Variants in CCDC38 observed in about 807,000 individuals in gnomAD.
CCDC38 encodes the protein coiled-coil domain-containing protein 38.
CCDC38 carries 69 observed loss-of-function variants against 72.8 expected under a neutral mutation model. The observed-to-expected ratio is 0.95, with a 90% confidence interval of 0.78 to 1.16. The LOEUF (loss-of-function observed/expected upper bound fraction) is 1.16. Ranked by LOEUF, CCDC38 falls within the 50% of genes most tolerant of loss-of-function variation. CCDC38 has a pLI of 0.00. For synonymous variants in CCDC38, 201 were observed against 213.2 expected (o/e 0.94, Z 0.50); for missense variants, 626 against 638.9 (o/e 0.98, Z 0.22).
In CCDC38 at chr12:95,893,572, A is replaced by G. The variant is rs898517591; in HGVS notation, c.772+1417T>C. On this transcript the variant is annotated intron_variant, in intron 8 of 15. Coordinates refer to ENST00000344280, the MANE Select transcript of CCDC38 (RefSeq NM_182496.3). The stretch of plus-strand genomic sequence containing the variant: ...ATGCTCATAACTCACTACAACCTCA[A>G]CTTCCGGGGTTTCAGGTGATCCTCC... Among the ~76,000 whole-genome samples the G allele has an allele frequency of 5.8e-4, 88 of 151,602 alleles. 1 individual carries two copies. Among genetic ancestry groups the G allele is most frequent in the Admixed American group, 2.6e-4 (4 of 15,178 alleles).
At chr12:95,906,515 A>G (rs2080003037) in intron 4 of CCDC38, 64 bp from the exon 5 acceptor site, 2 of 1,108,212 alleles carry the variant, frequency 1.8e-6, no homozygotes, top group Non-Finnish European at 2.7e-6. Flanking sequence ...TGTATAAAAT[A>G]AAAGCCATAT....
intron 14 of CCDC38, among the ~76,000 whole-genome samples, chr12:95,871,991 G>A (rs754913946): frequency 1.3e-5 from 2 of 152,148 alleles, no homozygotes; most frequent in African/African-American, 2.4e-5. Context: ...AACTAGGTCA[G>A]TTGCCCCTGG....
Position 95,898,448 on chromosome 12 carries a change from A to G in CCDC38, c.551T>C (p.Ile184Thr), listed in dbSNP as rs758483119. 1 of 1,614,074 alleles carries G rather than the reference A, an allele frequency of 6.2e-7. No homozygotes were observed. Among genetic ancestry groups the G allele is most frequent in the Non-Finnish European group, 8.5e-7 (1 of 1,180,002 alleles). The change falls in exon 7 of 16, where the codon ATA (isoleucine) becomes ACA (threonine). Residue 184 changes from isoleucine to threonine, a missense_variant. Coordinates refer to ENST00000344280, the MANE Select transcript of CCDC38 (RefSeq NM_182496.3). ...CTCTGCTGTCATTTGGAGTTTGTTTATTGTTTCCTGTGCTGCCCTGAAAAG... is the reference window on the plus strand; with the variant it reads ...CTCTGCTGTCATTTGGAGTTTGTTTGTTGTTTCCTGTGCTGCCCTGAAAAG... The part of the protein sequence containing the change: ...DALKMAAQET[I>T]NKLQMTAELK...
chr12:95,884,499 C>T (rs1457722091), intron 10 of CCDC38, among the ~76,000 whole-genome samples: 1 of 152,182 alleles, frequency 6.6e-6, no homozygotes, highest in Non-Finnish European at 1.5e-5. Context: ...AATCAATTAT[C>T]CCCAAATTGA....
chr12:95,910,302 TACACACAC>T (rs141853582), intron 4 of CCDC38, among the ~76,000 whole-genome samples: 25 of 148,314 alleles, frequency 1.7e-4, no homozygotes, highest in Admixed American at 8.7e-4. Context: ...CCATTTACAT[TACACACAC>T]ACACACACAC....
intron 8 of CCDC38, among the ~76,000 whole-genome samples, chr12:95,893,264 G>A (rs2079848366): frequency 8.1e-6 from 1 of 123,100 alleles, no homozygotes; most frequent in Admixed American, 7.4e-5. Flanking sequence ...TGTTTTCTTA[G>A]ACTTAATTTC....
chr12:95,921,017 C>A (rs7954638), intron 2 of CCDC38, among the ~76,000 whole-genome samples: 81,724 of 151,434 alleles, frequency 0.54, 22,809 homozygotes, highest in East Asian at 0.92. Context: ...AATCCCAGCT[C>A]CTTGGGAGGC....
Position 95,879,512 on chromosome 12 carries a change from A to G in CCDC38, c.1142+132T>C, listed in dbSNP as rs1241367363. Reference sequence around the variant, plus strand: ...ACGACGTCTACGTTTTGCACTCCACAATGTAAACTATTAAAAACCCCAGCC... The same window carrying G: ...ACGACGTCTACGTTTTGCACTCCACGATGTAAACTATTAAAAACCCCAGCC... On this transcript the variant is annotated intron_variant, in intron 12 of 15. Transcript: ENST00000344280. The surrounding 1 kb of genome is among the most constrained non-coding windows in gnomAD (Gnocchi z 5.5). 1.4e-5 allele frequency: 8 copies of G among 558,728 alleles called. No individual in the cohort carries two copies. Among genetic ancestry groups the G allele is most frequent in the East Asian group, 1.1e-4 (4 of 35,646 alleles). 34.6% of individuals were successfully genotyped at this position (558,728 alleles called of 1,614,324 possible). A position where few individuals can be genotyped will look rare whatever the true frequency, so the allele number is the denominator to read the frequency against.
chr12:95,917,440 G>T, intron 3 of CCDC38, 146 bp from the exon 4 acceptor site: 1 of 633,904 alleles, frequency 1.6e-6, no homozygotes, highest in Non-Finnish European at 2.6e-6. Flanking sequence ...GAAGGAATGT[G>T]TGTTGTTTTA....
intron 4 of CCDC38, among the ~76,000 whole-genome samples, chr12:95,913,785 C>T (rs2080118093): frequency 6.6e-6 from 1 of 151,532 alleles, no homozygotes; most frequent in Admixed American, 6.6e-5. Flanking sequence ...ATAATGGCAA[C>T]AATGATTATT....
At chr12:95,898,879 T>A (rs903512129) in intron 5 of CCDC38, 148 bp from the exon 6 acceptor site, 11 of 792,258 alleles carry the variant, frequency 1.4e-5, no homozygotes, top group Non-Finnish European at 2.0e-5. Context: ...TGAAGGAGTT[T>A]TATTTTCAGG....
chr12:95,887,669 A>G (rs2079775169), intron 10 of CCDC38, among the ~76,000 whole-genome samples: 1 of 152,218 alleles, frequency 6.6e-6, no homozygotes, highest in African/African-American at 2.4e-5. Flanking sequence ...GACGTTCTGT[A>G]TTTGATGGCA....
In CCDC38 at chr12:95,898,469, A is replaced by G. The variant is rs1209451380; in HGVS notation, c.534-4T>C. ...GTTTATTGTTTCCTGTGCTGCCCTG[A>G]AAAGCAATGAAGATCTGTTAATTTG... On this transcript the variant is annotated splice_region_variant and splice_polypyrimidine_tract_variant and intron_variant, in intron 6 of 15. Coordinates refer to ENST00000344280, the MANE Select transcript of CCDC38 (RefSeq NM_182496.3). 3 of 1,614,128 alleles carry G rather than the reference A, an allele frequency of 1.9e-6. No homozygotes were observed. The highest frequency in any genetic ancestry group is 2.5e-6 in the Non-Finnish European group (3 of 1,180,036).
intron 2 of CCDC38, 43 bp from the exon 3 acceptor site, chr12:95,919,019 T>C (rs1565962445): frequency 1.6e-6 from 2 of 1,237,942 alleles, no homozygotes; most frequent in South Asian, 2.4e-5. Context: ...CTGTCATCCT[T>C]CCTCTGCTGA....
At chr12:95,930,028 G>T (rs887661591) in intron 2 of CCDC38, among the ~76,000 whole-genome samples, 1 of 151,946 alleles carries the variant, frequency 6.6e-6, no homozygotes, top group Admixed American at 6.5e-5. Flanking sequence ...AATTCAGGGT[G>T]GTCTCATCTT....
chr12:95,899,656 C>T (rs964834347), intron 5 of CCDC38, among the ~76,000 whole-genome samples: 2 of 152,108 alleles, frequency 1.3e-5, no homozygotes, highest in Admixed American at 6.5e-5. Flanking sequence ...AGGCCACATA[C>T]ATAATATAAA....
At chr12:95,929,962 T>C (rs1254577511) in intron 2 of CCDC38, among the ~76,000 whole-genome samples, 8 of 152,162 alleles carry the variant, frequency 5.3e-5, no homozygotes, top group African/African-American at 1.9e-4. Context: ...TCACATGGCC[T>C]TCTCCTTTTC....
intron 2 of CCDC38, among the ~76,000 whole-genome samples, chr12:95,922,665 C>A (rs1185979757): frequency 6.6e-6 from 1 of 152,196 alleles, no homozygotes; most frequent in East Asian, 1.9e-4. Context: ...GCTTTTGGGG[C>A]CCTGTGAGGC....
At chr12:95,883,507 C>T (rs116494835) in intron 10 of CCDC38, among the ~76,000 whole-genome samples, 3 of 152,262 alleles carry the variant, frequency 2.0e-5, no homozygotes, top group African/African-American at 7.2e-5. Flanking sequence ...AGAGCTTGTC[C>T]TCACTAACTC....
Sources: gnomAD v4.1 joint callset for allele counts (sites outside exome capture counted in the v4.1 genomes callset) on GRCh38, gnomAD v4.1.1 for gene constraint, Gnocchi (gnomAD v3.1) non-coding constraint, MANE v1.5 for transcripts, NCBI Gene and HGNC (gene_info 2026-07-23, HGNC 2026-07-21) for gene names.